Variants in CALN1 observed in about 807,000 individuals in gnomAD.
CALN1 encodes the protein calcium-binding protein 8.
A neutral mutation model predicts 30.6 loss-of-function variants in CALN1; 17 were observed. That is an observed-to-expected ratio of 0.56 (90% CI 0.38 to 0.83). CALN1 has a LOEUF of 0.83. CALN1 is among the 40% of genes least tolerant of loss of function. CALN1 has a pLI of 0.00. For missense variants in CALN1, 291 were observed against 354.9 expected (o/e 0.82, Z 1.45); for synonymous variants, 156 against 131.4 (o/e 1.19, Z -1.28).
chr7:72,098,762 G>GCACACACA lies in CALN1; in HGVS notation c.388+7388_388+7389insTGTGTGTG, dbSNP rs1491515765. Among the ~76,000 whole-genome samples the GCACACACA allele has an allele frequency of 4.9e-3, 566 of 115,370 alleles. 10 individuals carry two copies. Among genetic ancestry groups the GCACACACA allele is most frequent in the African/African-American group, 0.016 (476 of 29,518 alleles). 75.7% of individuals were successfully genotyped at this position (115,370 alleles called of 152,430 possible). ...CTCTGAGCAGTTCAGCCCATTTGGC[G>GCACACACA]CGCACACACACACACACACACACAC... is the stretch of plus-strand genomic sequence containing the variant. On this transcript the variant is annotated intron_variant, in intron 4 of 6. Transcript: ENST00000395275.
At chr7:72,142,405 C>T (rs189403149) in intron 3 of CALN1, among the ~76,000 whole-genome samples, 30 of 152,270 alleles carry the variant, frequency 2.0e-4, no homozygotes, top group African/African-American at 5.5e-4. Context: ...CGAACTACAA[C>T]GCGGCAGCGA....
intron 2 of CALN1, among the ~76,000 whole-genome samples, chr7:72,282,372 A>T (rs1173618282): frequency 7.2e-5 from 11 of 152,258 alleles, no homozygotes; most frequent in Admixed American, 2.6e-4. Context: ...TATGTAAACC[A>T]GTGATATGGT....
At chr7:72,255,113 T>G (rs915448628) in intron 3 of CALN1, among the ~76,000 whole-genome samples, 1 of 145,586 alleles carries the variant, frequency 6.9e-6, no homozygotes. Context: ...TGAGACGGAA[T>G]CTCTCTCTGT....
At chr7:72,218,761 A>ACGT (rs1425017771) in intron 3 of CALN1, among the ~76,000 whole-genome samples, 1 of 152,196 alleles carries the variant, frequency 6.6e-6, no homozygotes, top group Non-Finnish European at 1.5e-5. Flanking sequence ...CTTCTTATGG[A>ACGT]CGTTAATGAA....
At chr7:72,403,164 C>A (rs1806454149) in intron 2 of CALN1, 87 bp downstream of exon 2, 1 of 953,420 alleles carries the variant, frequency 1.0e-6, no homozygotes, top group Non-Finnish European at 1.6e-6. Flanking sequence ...CACGCAGCAG[C>A]GGCAAAGCCT....
chr7:71,799,632 A>C (rs1050528503), intron 6 of CALN1, among the ~76,000 whole-genome samples: 1 of 151,636 alleles, frequency 6.6e-6, no homozygotes, highest in African/African-American at 2.4e-5. Context: ...TACCCAGCTA[A>C]TTTTTATTTC....
chr7:72,326,261 G>A (rs552036594), intron 2 of CALN1, among the ~76,000 whole-genome samples: 1 of 152,142 alleles, frequency 6.6e-6, no homozygotes, highest in Non-Finnish European at 1.5e-5. Context: ...CTTGCACAAA[G>A]GTTGCTTGTC....
rs949661967 is a variant in CALN1, at chr7:71,961,835, A to C, written c.501+61822T>G. Among the ~76,000 whole-genome samples, 4 of 152,108 alleles carry C rather than the reference A, an allele frequency of 2.6e-5. No homozygotes were observed. The East Asian group carries it at 7.8e-4, about 30-fold the overall frequency. On this transcript the variant is annotated intron_variant, in intron 5 of 6. Coordinates refer to ENST00000395275, the MANE Select transcript of CALN1 (RefSeq NM_031468.4). The stretch of plus-strand genomic sequence containing the variant: ...GCATACTTTCTGACAAAACTCTGCT[A>C]CTCTGGCAGTAGCTATGTCTCTTCA...
chr7:71,949,753 C>T (rs1450090829), intron 5 of CALN1, among the ~76,000 whole-genome samples: 5 of 151,640 alleles, frequency 3.3e-5, no homozygotes, highest in Non-Finnish European at 7.4e-5. Flanking sequence ...TGCTCCCAAC[C>T]TGTGGAGTGT....
intron 5 of CALN1, among the ~76,000 whole-genome samples, chr7:71,827,064 CGTCGCAGAGCCTGGGCTT>C (rs1392473450): frequency 6.6e-6 from 1 of 152,170 alleles, no homozygotes; most frequent in Non-Finnish European, 1.5e-5. Context: ...GTCCAGGTCA[CGTCGCAGAGCCTGGGCTT>C]GTCACAGAGC....
At chr7:72,042,714 C>T (rs571019525) in intron 4 of CALN1, among the ~76,000 whole-genome samples, 1 of 152,248 alleles carries the variant, frequency 6.6e-6, no homozygotes, top group Admixed American at 6.5e-5. Flanking sequence ...CCAGCCTGGG[C>T]ACCAGAGTGA....
intron 3 of CALN1, 71 bp from the exon 4 acceptor site, chr7:72,106,365 T>TGAGCCTACTGAGCCTACTGA: frequency 6.3e-7 from 1 of 1,587,408 alleles, no homozygotes; most frequent in South Asian, 1.1e-5. Context: ...TATTGGTGAT[T>TGAGCCTACTGAGCCTACTGA]GCCTACTGAG....
intron 6 of CALN1, among the ~76,000 whole-genome samples, chr7:71,800,453 C>A (rs1367946533): frequency 1.3e-5 from 2 of 152,092 alleles, no homozygotes; most frequent in African/African-American, 4.8e-5. Context: ...TTCACAGAAA[C>A]TATTTATTCC....
At chr7:72,173,756 A>C (rs1789143977) in intron 3 of CALN1, among the ~76,000 whole-genome samples, 2 of 152,166 alleles carry the variant, frequency 1.3e-5, no homozygotes, top group South Asian at 2.1e-4. Flanking sequence ...AGAAATAAAC[A>C]ACCATTTTTT....
At chr7:72,352,066 G>A (rs142421287) in intron 2 of CALN1, among the ~76,000 whole-genome samples, 4 of 152,204 alleles carry the variant, frequency 2.6e-5, no homozygotes, top group African/African-American at 7.2e-5. Context: ...ATCACTTGAG[G>A]TCAGGCAGGA....
intron 4 of CALN1, among the ~76,000 whole-genome samples, chr7:72,026,978 G>T (rs1450029407): frequency 5.3e-5 from 8 of 152,158 alleles, no homozygotes; most frequent in Admixed American, 5.2e-4. Flanking sequence ...CTAGTCACAG[G>T]TGGGGCTGGA....
intron 5 of CALN1, among the ~76,000 whole-genome samples, chr7:71,947,624 G>C (rs1022919431): frequency 6.6e-6 from 1 of 152,076 alleles, no homozygotes; most frequent in Non-Finnish European, 1.5e-5. Context: ...TTGAAATACT[G>C]TTCTCATAAT....
chr7:71,818,210 G>C (rs1788379659), intron 5 of CALN1, among the ~76,000 whole-genome samples: 1 of 152,024 alleles, frequency 6.6e-6, no homozygotes, highest in Non-Finnish European at 1.5e-5. Context: ...GGGTCAGAGG[G>C]GGCTTTCTGG....
intron 2 of CALN1, among the ~76,000 whole-genome samples, chr7:72,372,338 G>A (rs747000789): frequency 2.5e-4 from 38 of 152,014 alleles, no homozygotes; most frequent in Non-Finnish European, 2.8e-4. Context: ...TGCTTTTTCT[G>A]TGTTTCTGCC....
Sources: allele counts gnomAD v4.1 joint callset (sites outside exome capture counted in the v4.1 genomes callset), GRCh38; gene constraint gnomAD v4.1.1; transcripts MANE v1.5; gene names NCBI Gene and HGNC (gene_info 2026-07-23, HGNC 2026-07-21).